Variants in UTP20 observed in about 807,000 individuals in gnomAD.
UTP20 encodes small subunit processome component 20 homolog.
UTP20 carries 164 observed loss-of-function variants against 329.5 expected under a neutral mutation model. The ratio of observed to expected loss-of-function variants is 0.50; its 90% CI spans 0.44 to 0.57. The LOEUF (loss-of-function observed/expected upper bound fraction) is 0.57. Among genes scored for constraint, UTP20 ranks in the 20% least tolerant of loss-of-function variants. The probability of loss-of-function intolerance (pLI) is 0.00; values close to 1 mark genes in which losing one functional copy is unlikely to be tolerated. For missense variants in UTP20, 3,055 were observed against 3,284.2 expected (o/e 0.93, Z 1.71); for synonymous variants, 1,151 against 1,159.3 (o/e 0.99, Z 0.14).
rs201317255 is a variant in UTP20, at chr12:101,306,772, T to C, written c.1995+11T>C. 552 of 1,595,354 alleles carry C rather than the reference T, an allele frequency of 3.5e-4. 3 individuals are homozygous for C. In the African/African-American group the frequency reaches 6.7e-3, roughly 19 times the overall value. ...CCAGAATCAATGGAGGTATTTTAACTGTTTGAGTGGATAGGTTTTAAAAAA... is the reference window on the plus strand; with the variant it reads ...CCAGAATCAATGGAGGTATTTTAACCGTTTGAGTGGATAGGTTTTAAAAAA... On this transcript the variant is annotated intron_variant, in intron 17 of 61. Coordinates refer to ENST00000261637, the MANE Select transcript of UTP20 (RefSeq NM_014503.3).
At position 101,338,697 on chromosome 12, in the gene UTP20, A is replaced by G. The variant is rs138970130; in HGVS notation, c.3869-116A>G. 328 of 845,470 alleles carry G rather than the reference A, an allele frequency of 3.9e-4. 2 individuals carry two copies. In the African/African-American group the frequency reaches 5.3e-3, roughly 14 times the overall value. 52.4% of individuals were successfully genotyped at this position (845,470 alleles called of 1,614,324 possible). A position where few individuals can be genotyped will look rare whatever the true frequency, so the allele number is the denominator to read the frequency against. On this transcript the variant is annotated intron_variant, in intron 30 of 61. Coordinates refer to ENST00000261637, the MANE Select transcript of UTP20 (RefSeq NM_014503.3). ...AGAATTTAGAATTTATTTAGAATTG[A>G]AATTTAACTTAAATGTTCATAGTGG...
At chr12:101,345,825 T>C in intron 37 of UTP20, 131 bp downstream of exon 37, 1 of 816,880 alleles carries the variant, frequency 1.2e-6, no homozygotes, top group Non-Finnish European at 1.8e-6. Flanking sequence ...GTCTTTATGA[T>C]CATCATTGAA....
At chr12:101,353,172 C>A in intron 40 of UTP20, 43 bp downstream of exon 40, 1 of 1,365,870 alleles carries the variant, frequency 7.3e-7, no homozygotes, top group South Asian at 1.2e-5. Context: ...TCATCTTATT[C>A]TTGGATAGTG....
intron 19 of UTP20, among the ~76,000 whole-genome samples, chr12:101,310,436 A>G (rs1384720165): frequency 1.3e-5 from 2 of 151,920 alleles, no homozygotes; most frequent in Non-Finnish European, 2.9e-5. Flanking sequence ...TTAGCCAGTC[A>G]TGGTGGCACA....
At chr12:101,321,470 A>G in intron 24 of UTP20, 34 bp from the exon 25 acceptor site, 2 of 1,608,862 alleles carry the variant, frequency 1.2e-6, no homozygotes, top group Non-Finnish European at 8.5e-7. Flanking sequence ...ACTGTTGATA[A>G]AGTGGTGATT....
intron 55 of UTP20, 110 bp downstream of exon 55, chr12:101,375,049 T>TATAA: frequency 1.2e-5 from 8 of 660,222 alleles, no homozygotes; most frequent in Non-Finnish European, 2.0e-5. Flanking sequence ...TATTTATAGC[T>TATAA]ATAGCTATTT....
chr12:101,369,025 C>CT (rs1870193296), intron 48 of UTP20, among the ~76,000 whole-genome samples: 2 of 152,216 alleles, frequency 1.3e-5, no homozygotes, highest in South Asian at 4.1e-4. Context: ...TCTCAGCACA[C>CT]TTTTTCCATG....
intron 45 of UTP20, among the ~76,000 whole-genome samples, 187 bp from the exon 46 acceptor site, chr12:101,365,272 T>C (rs1175866716): frequency 6.6e-6 from 1 of 152,110 alleles, no homozygotes; most frequent in African/African-American, 2.4e-5. Context: ...CTTCCTGGGA[T>C]TGAGATTATA....
At chr12:101,326,482 G>A (rs573340582) in intron 25 of UTP20, among the ~76,000 whole-genome samples, 7 of 150,704 alleles carry the variant, frequency 4.6e-5, no homozygotes, top group Admixed American at 1.3e-4. Context: ...AATAAGTATC[G>A]GTCTCTGTGG....
rs1174716661 is a variant in UTP20, at chr12:101,298,206, A to T, written c.1431-1476A>T. Among the ~76,000 whole-genome samples, 3 of 152,170 alleles carry T rather than the reference A, an allele frequency of 2.0e-5. No individual in the cohort carries two copies. In the East Asian group the frequency reaches 5.8e-4, roughly 29 times the overall value. ...GGGGTGCAACAAAGAATAAGAAAAA[A>T]GTTCCTTCTTTTGGGGAAAGGAATG... On this transcript the variant is annotated intron_variant, in intron 12 of 61. Transcript: ENST00000261637.
chr12:101,287,356 A>G (rs1871994484), intron 5 of UTP20, among the ~76,000 whole-genome samples: 1 of 152,256 alleles, frequency 6.6e-6, no homozygotes, highest in Admixed American at 6.5e-5. Flanking sequence ...TATTTCATTA[A>G]ACAACCAACA....
In UTP20 at chr12:101,369,831, C is replaced by T; in HGVS notation, c.6495C>T (p.Asp2165=). 6.2e-7 allele frequency: 1 copy of T among 1,614,066 alleles called. No homozygotes were observed. The change falls in exon 49 of 62, where the codon GAC becomes GAT. Residue 2165 remains aspartate, a synonymous_variant. Coordinates refer to ENST00000261637, the MANE Select transcript of UTP20 (RefSeq NM_014503.3). ...LTKHLFLLLK[D]YAKLGAARGQ... ...AACACCTCTTCCTTCTGCTGAAGGACTATGCAAAGCTCGGGGCCGCCAGGG... is the reference window on the plus strand; with the variant it reads ...AACACCTCTTCCTTCTGCTGAAGGATTATGCAAAGCTCGGGGCCGCCAGGG...
Position 101,329,291 on chromosome 12 carries a change from A to C in UTP20, c.3259A>C (p.Lys1087Gln). 2 of 1,614,196 alleles carry C rather than the reference A, an allele frequency of 1.2e-6. No individual in the cohort carries two copies. The highest frequency in any genetic ancestry group is 1.7e-6 in the Non-Finnish European group (2 of 1,180,028). Residue 1087 changes from lysine (K) to glutamine (Q), a missense_variant, in exon 27 of 62, where the codon AAA (lysine) becomes CAA (glutamine). Around this residue, in one of 3 missense-constraint regions of UTP20, gnomAD observed 2,445 missense variants for 2,575.5 expected, o/e 0.95. Transcript: ENST00000261637. ...IQAVEDLDLS[K>Q]VLPLGRQHGI... ...AGCAGTAGAAGACTTGGATTTGTCT[A>C]AAGTTCTTCCTTTAGGTCGTCAGCA...
chr12:101,356,773 C>A, intron 42 of UTP20, 80 bp downstream of exon 42: 1 of 1,524,564 alleles, frequency 6.6e-7, no homozygotes, highest in South Asian at 1.3e-5. Context: ...TCTCTTTTGT[C>A]AGGAAGAGGA....
At chr12:101,336,746 C>A (rs1868945486) in intron 29 of UTP20, among the ~76,000 whole-genome samples, 1 of 152,184 alleles carries the variant, frequency 6.6e-6, no homozygotes, top group South Asian at 2.1e-4. Flanking sequence ...TTTATTACTC[C>A]ACAGAGGGTT....
intron 17 of UTP20, 106 bp downstream of exon 17, chr12:101,306,867 A>G (rs1287856694): frequency 8.6e-7 from 1 of 1,158,864 alleles, no homozygotes; most frequent in Non-Finnish European, 1.2e-6. Flanking sequence ...CTATATAAAT[A>G]TCTGTCGTAA....
At chr12:101,336,887 G>C (rs1226551943) in intron 29 of UTP20, among the ~76,000 whole-genome samples, 1 of 152,222 alleles carries the variant, frequency 6.6e-6, no homozygotes, top group Non-Finnish European at 1.5e-5. Flanking sequence ...TTGGTCAAGG[G>C]AAAACGGTTT....
At chr12:101,306,599 T>A in intron 16 of UTP20, 100 bp from the exon 17 acceptor site, 1 of 1,119,280 alleles carries the variant, frequency 8.9e-7, no homozygotes, top group Non-Finnish European at 1.3e-6. Flanking sequence ...AATGGTATTT[T>A]TTTTTTAAAT....
chr12:101,351,792 C>T (rs1012304205), intron 38 of UTP20, among the ~76,000 whole-genome samples: 6 of 152,150 alleles, frequency 3.9e-5, no homozygotes, highest in East Asian at 3.9e-4. Context: ...TTATTTCATT[C>T]GCTTTCTGTA....
Sources: gnomAD v4.1 joint callset for allele counts (sites outside exome capture counted in the v4.1 genomes callset) on GRCh38, gnomAD v4.1.1 for gene constraint, gnomAD v4.1.1 regional missense constraint, MANE v1.5 for transcripts, NCBI Gene and HGNC (gene_info 2026-07-23, HGNC 2026-07-21) for gene names.